The following TC2N variants were observed in gnomAD, a reference collection of about 807,000 sequenced individuals.
TC2N encodes tandem C2 domains nuclear protein.
Under a neutral mutation model 61.9 loss-of-function variants are expected in TC2N, and 51 were observed. The ratio of observed to expected loss-of-function variants is 0.82; its 90% CI spans 0.66 to 1.04. The LOEUF (loss-of-function observed/expected upper bound fraction) is 1.04. TC2N is among the 50% of genes least tolerant of loss of function. The pLI is 0.00. For synonymous variants in TC2N, 204 were observed against 192.6 expected (o/e 1.06, Z -0.49); for missense variants, 556 against 566.7 (o/e 0.98, Z 0.19).
chr14:91,786,799 A>G (rs1885386455), intron 10 of TC2N, among the ~76,000 whole-genome samples: 1 of 152,178 alleles, frequency 6.6e-6, no homozygotes, highest in African/African-American at 2.4e-5. Flanking sequence ...TGATTCTTTC[A>G]AAGAAGCAGC....
chr14:91,808,585 A>C (rs1441079921), intron 3 of TC2N, among the ~76,000 whole-genome samples: 8 of 152,080 alleles, frequency 5.3e-5, no homozygotes, highest in Non-Finnish European at 8.8e-5. Context: ...TACTTTCTTG[A>C]CTCTAATAAA....
chr14:91,792,979 A>T (rs1885731500), intron 8 of TC2N, among the ~76,000 whole-genome samples: 1 of 152,160 alleles, frequency 6.6e-6, no homozygotes, highest in Non-Finnish European at 1.5e-5. Flanking sequence ...ACATAAAGAG[A>T]CTTGAATTGT....
intron 1 of TC2N, among the ~76,000 whole-genome samples, chr14:91,819,090 C>T (rs1887132966): frequency 6.6e-6 from 1 of 152,118 alleles, no homozygotes; most frequent in Non-Finnish European, 1.5e-5. Context: ...ATAATAACAT[C>T]ATTCAAAAAC....
intron 8 of TC2N, among the ~76,000 whole-genome samples, chr14:91,797,478 G>A (rs1193901273): frequency 6.6e-6 from 1 of 151,806 alleles, no homozygotes; most frequent in Non-Finnish European, 1.5e-5. Flanking sequence ...AGCCAAAGTG[G>A]GTTGGGGGAA....
intron 1 of TC2N, among the ~76,000 whole-genome samples, chr14:91,861,105 T>C (rs538412639): frequency 6.6e-6 from 1 of 152,214 alleles, no homozygotes; most frequent in Admixed American, 6.5e-5. Context: ...TTGAAGTCCA[T>C]GTTTGGGAAT....
At chr14:91,854,158 A>G (rs1250171839) in intron 1 of TC2N, among the ~76,000 whole-genome samples, 2 of 152,070 alleles carry the variant, frequency 1.3e-5, no homozygotes, top group Non-Finnish European at 1.5e-5. Flanking sequence ...ACAGCTTCTG[A>G]CCACTCTAAG....
In TC2N at chr14:91,812,380, G is replaced by C. The variant is rs1475926812; in HGVS notation, c.233C>G (p.Pro78Arg). 6.2e-7 allele frequency: 1 copy of C among 1,612,316 alleles called. No homozygotes were observed. Among genetic ancestry groups the C allele is most frequent in the African/African-American group, 1.3e-5 (1 of 74,766 alleles). ...TTGAATGTAAGATAACTTAAACTTGGGCACCACAAATGGTACTTCTTTGCC... is the reference window on the plus strand; with the variant it reads ...TTGAATGTAAGATAACTTAAACTTGCGCACCACAAATGGTACTTCTTTGCC... ...SDGKEVPFVV[P>R]KFKLSYIQPR... The change falls in exon 3 of 12, where the codon CCC (proline) becomes CGC (arginine). Residue 78 changes from proline (P) to arginine (R), a missense_variant. Coordinates refer to ENST00000435962, the MANE Select transcript of TC2N (RefSeq NM_001128596.3).
chr14:91,791,908 AG>A (rs1270871024), intron 9 of TC2N, among the ~76,000 whole-genome samples: 1 of 152,112 alleles, frequency 6.6e-6, no homozygotes, highest in Non-Finnish European at 1.5e-5. Context: ...CGAGGTCAGG[AG>A]ATCGAGACCA....
chr14:91,849,280 A>C (rs1414403604), intron 1 of TC2N, among the ~76,000 whole-genome samples: 1 of 152,190 alleles, frequency 6.6e-6, no homozygotes, highest in African/African-American at 2.4e-5. Context: ...GCGGTCAATC[A>C]AAATCCTTCC....
chr14:91,829,804 A>G (rs1363094404), intron 1 of TC2N, among the ~76,000 whole-genome samples: 1 of 152,210 alleles, frequency 6.6e-6, no homozygotes, highest in Non-Finnish European at 1.5e-5. Context: ...TAAGCTAAAA[A>G]TGAAAGTATA....
chr14:91,807,893 CAT>C, intron 3 of TC2N, among the ~76,000 whole-genome samples: 1 of 152,282 alleles, frequency 6.6e-6, no homozygotes, highest in Middle Eastern at 3.4e-3. Flanking sequence ...CTAATTCCCA[CAT>C]GTTGTGGGAG....
chr14:91,812,164 G>A (rs1886796688), intron 3 of TC2N, 148 bp downstream of exon 3: 1 of 376,278 alleles, frequency 2.7e-6, no homozygotes, highest in Non-Finnish European at 4.6e-6. Flanking sequence ...CAAAACTACT[G>A]TACATTAAGT....
rs981438363 is a variant in TC2N at position 91,785,313 on chromosome 14, T to C, written c.1211A>G (p.Lys404Arg). 6.2e-7 allele frequency: 1 copy of C among 1,613,834 alleles called. No homozygotes were observed. The change falls in exon 11 of 12, where the codon AAG (lysine) becomes AGG (arginine). Residue 404 changes from lysine (K) to arginine (R), a missense_variant. Physicochemically the swap from Lys to Arg is conservative, Grantham distance 26 (BLOSUM62 2). Coordinates refer to ENST00000435962, the MANE Select transcript of TC2N (RefSeq NM_001128596.3). ...GGCCTTCAGTAAGCGTGTCTTTTTC[T>C]TATAAATCAACTCTCCCGAGCTAAA... ...GMFSSGELIY[K>R]KKTRLLKASN... is the part of the protein sequence containing the mutation.
At chr14:91,820,296 C>G (rs1391714257) in intron 1 of TC2N, among the ~76,000 whole-genome samples, 1 of 151,838 alleles carries the variant, frequency 6.6e-6, no homozygotes, top group East Asian at 1.9e-4. Flanking sequence ...AAGATTTATC[C>G]CAGGATTGCA....
chr14:91,827,804 A>C (rs938600981), intron 1 of TC2N, among the ~76,000 whole-genome samples: 2 of 152,230 alleles, frequency 1.3e-5, no homozygotes, highest in Admixed American at 6.5e-5. Context: ...TTAACATGTC[A>C]AAGTCTAAAG....
intron 1 of TC2N, among the ~76,000 whole-genome samples, chr14:91,826,254 A>G (rs570783032): frequency 6.9e-6 from 1 of 143,932 alleles, no homozygotes; most frequent in African/African-American, 2.6e-5. Context: ...CAAGAAGTGG[A>G]GGCTGTGGGA....
chr14:91,846,919 C>T (rs1040566289), intron 1 of TC2N, among the ~76,000 whole-genome samples: 2 of 152,106 alleles, frequency 1.3e-5, no homozygotes, highest in Non-Finnish European at 2.9e-5. Context: ...AAAAAGGATG[C>T]TTTCAGCCCC....
chr14:91,811,822 G>T (rs542810998), intron 3 of TC2N, among the ~76,000 whole-genome samples: 75 of 151,992 alleles, frequency 4.9e-4, no homozygotes, highest in Admixed American at 4.4e-3. Flanking sequence ...TATATAAATG[G>T]TGTAGTATTT....
chr14:91,787,675 A>C, intron 9 of TC2N, 48 bp from the exon 10 acceptor site: 2 of 1,085,056 alleles, frequency 1.8e-6, no homozygotes, highest in Non-Finnish European at 2.7e-6. Context: ...AAAGTTTTTG[A>C]AACAATTCAA....
Sources: allele counts gnomAD v4.1 joint callset (sites outside exome capture counted in the v4.1 genomes callset), GRCh38; gene constraint gnomAD v4.1.1; transcripts MANE v1.5; gene names NCBI Gene and HGNC (gene_info 2026-07-23, HGNC 2026-07-21).